The following NEK4 variants were observed in gnomAD, a reference collection of about 807,000 sequenced individuals.
NEK4 encodes the protein NIMA related kinase 4, also known as serine/threonine-protein kinase Nek4.
A neutral mutation model predicts 98.4 loss-of-function variants in NEK4; 86 were observed. The observed-to-expected ratio is 0.87, with a 90% CI of 0.73 to 1.05. The LOEUF is 1.05. Among genes scored for constraint, NEK4 ranks in the 50% least tolerant of loss-of-function variants. The pLI is 0.00. For synonymous variants in NEK4, 328 were observed against 342.2 expected (o/e 0.96, Z 0.46); for missense variants, 898 against 950.3 (o/e 0.94, Z 0.72).
chr3:52,754,706 T>A (rs1180405629), intron 6 of NEK4: 4 of 540,776 alleles, frequency 7.4e-6, no homozygotes, highest in Middle Eastern at 6.1e-4. Context: ...AGATGGTGAA[T>A]CTGGTACACC....
At chr3:52,742,684 G>A (rs941325609) in intron 12 of NEK4, among the ~76,000 whole-genome samples, 1 of 152,200 alleles carries the variant, frequency 6.6e-6, no homozygotes, top group African/African-American at 2.4e-5. Flanking sequence ...ATTAGCAAGT[G>A]AGACTCAAAT....
At chr3:52,762,577 A>G (rs1426740666) in intron 5 of NEK4, among the ~76,000 whole-genome samples, 1 of 152,220 alleles carries the variant, frequency 6.6e-6, no homozygotes, top group Admixed American at 6.5e-5. Flanking sequence ...CCACGCCAAA[A>G]TATGCTACTT....
At chr3:52,758,821 G>A (rs1018797913) in intron 6 of NEK4, among the ~76,000 whole-genome samples, 2 of 152,094 alleles carry the variant, frequency 1.3e-5, no homozygotes, top group Non-Finnish European at 2.9e-5. Flanking sequence ...CTGGGCAGGG[G>A]CTGGGTGATG....
chr3:52,766,331 T>C lies in NEK4; in HGVS notation c.405A>G (p.Gln135=). The change falls in exon 3 of 16, where the codon CAA becomes CAG. Residue 135 remains glutamine (Q), a synonymous_variant. Transcript: ENST00000233027. ...KHILHRDLKT[Q]NVFLTRTNII... Reference sequence around the variant, plus strand: ...TGTTTGTTCTTGTTAGGAAGACATTTTGAGTTTTCAGATCTCGATGAAGGA... The same window carrying C: ...TGTTTGTTCTTGTTAGGAAGACATTCTGAGTTTTCAGATCTCGATGAAGGA... 6.2e-7 allele frequency: 1 copy of C among 1,614,118 alleles called. No individual in the cohort carries two copies. The highest frequency in any genetic ancestry group is 1.1e-5 in the South Asian group (1 of 91,082).
chr3:52,734,429 G>C (rs1006986823), intron 15 of NEK4, among the ~76,000 whole-genome samples: 18 of 146,440 alleles, frequency 1.2e-4, no homozygotes, highest in African/African-American at 4.0e-4. Flanking sequence ...CAGCCTGCTA[G>C]GTAACAGAGT....
intron 15 of NEK4, among the ~76,000 whole-genome samples, chr3:52,722,320 TG>T (rs2097360841): frequency 6.6e-6 from 1 of 151,980 alleles, no homozygotes; most frequent in South Asian, 2.1e-4. Context: ...CTGCTGAACG[TG>T]GGTACAAGCT....
chr3:52,715,053 G>A (rs2097353912), intron 15 of NEK4, among the ~76,000 whole-genome samples: 1 of 152,228 alleles, frequency 6.6e-6, no homozygotes, highest in Admixed American at 6.5e-5. Flanking sequence ...CAGGCTACTG[G>A]GCAGAAGGGG....
intron 6 of NEK4, chr3:52,754,071 G>A: frequency 4.0e-6 from 1 of 247,672 alleles, no homozygotes; most frequent in Non-Finnish European, 7.9e-6. Context: ...GCTGAGGCAG[G>A]AGATCACTTG....
chr3:52,763,458 G>C lies in NEK4; in HGVS notation c.821+12C>G. 2 of 1,607,960 alleles carry C rather than the reference G, an allele frequency of 1.2e-6. No individual in the cohort carries two copies. Among genetic ancestry groups the C allele is most frequent in the Non-Finnish European group, 1.7e-6 (2 of 1,176,654 alleles). Reference sequence around the variant, plus strand: ...CTATTTAGCCCAGCTATTTGCAAGGGAAGTATCTTACATCTTTGTGGCCTC... The same window carrying C: ...CTATTTAGCCCAGCTATTTGCAAGGCAAGTATCTTACATCTTTGTGGCCTC... On this transcript the variant is annotated intron_variant, in intron 5 of 15. Transcript: ENST00000233027.
In NEK4 at chr3:52,752,130, A is replaced by G. The variant is rs778755573; in HGVS notation, c.1170T>C (p.Tyr390=). The change falls in exon 7 of 16, where the codon TAT becomes TAC. Residue 390 remains tyrosine (Y), a synonymous_variant. Coordinates refer to ENST00000233027, the MANE Select transcript of NEK4 (RefSeq NM_003157.6). ...CTCCTAACTCATTAGAGGCATCCAA[A>G]TATCTTGGCTGATTCTCCTGAACAA... ...DGFVQENQPR[Y]LDASNELGGI... 17 of 1,614,088 alleles carry G rather than the reference A, an allele frequency of 1.1e-5. No homozygotes were observed. In the East Asian group the frequency reaches 3.6e-4, roughly 34 times the overall value.
rs2097382054 is a variant in NEK4, at chr3:52,739,470, G to C, written c.2258C>G (p.Ala753Gly). Reference sequence around the variant, plus strand: ...AAAATGGATTTCCTCTGCCTCTTCTGCAACCTTCCCATGAAGTATCAGTGT... The same window carrying C: ...AAAATGGATTTCCTCTGCCTCTTCTCCAACCTTCCCATGAAGTATCAGTGT... ...RDTLILHGKV[A>G]EEAEEIHFKE... is the part of the protein sequence containing the mutation. The change falls in exon 14 of 16, where the codon GCA becomes GGA. Residue 753 changes from alanine (A) to glycine (G), a missense_variant. Coordinates refer to ENST00000233027, the MANE Select transcript of NEK4 (RefSeq NM_003157.6). 1 of 1,614,004 alleles carries C rather than the reference G, an allele frequency of 6.2e-7. No homozygotes were observed. Among genetic ancestry groups the C allele is most frequent in the Non-Finnish European group, 8.5e-7 (1 of 1,179,994 alleles).
intron 9 of NEK4, 91 bp downstream of exon 9, chr3:52,746,643 T>C (rs1365614012): frequency 8.6e-7 from 1 of 1,166,444 alleles, no homozygotes; most frequent in East Asian, 2.4e-5. Flanking sequence ...TCCTTGCATT[T>C]CTTACATGCC....
At chr3:52,759,102 AAAG>A (rs1308245017) in intron 6 of NEK4, among the ~76,000 whole-genome samples, 1 of 138,664 alleles carries the variant, frequency 7.2e-6, no homozygotes, top group Non-Finnish European at 1.6e-5. Context: ...AAAAAAGAAA[AAAG>A]AAAAAAAAAA....
At chr3:52,753,178 C>T (rs1202534388) in intron 6 of NEK4, among the ~76,000 whole-genome samples, 2 of 151,892 alleles carry the variant, frequency 1.3e-5, no homozygotes, top group Non-Finnish European at 2.9e-5. Context: ...GTGGCAAGTG[C>T]CTGTAGTCCC....
chr3:52,743,361 G>C lies in NEK4; in HGVS notation c.1995C>G (p.Ser665Arg). 1 of 1,613,460 alleles carries C rather than the reference G, an allele frequency of 6.2e-7. No homozygotes were observed. Among genetic ancestry groups the C allele is most frequent in the Non-Finnish European group, 8.5e-7 (1 of 1,179,454 alleles). The change falls in exon 12 of 16, where the codon AGC (serine) becomes AGG (arginine). Residue 665 changes from serine to arginine, a missense_variant. Coordinates refer to ENST00000233027, the MANE Select transcript of NEK4 (RefSeq NM_003157.6). Reference protein sequence around the residue: ...LPARRLSSDCSVTQERKQIHC... With the variant: ...LPARRLSSDCRVTQERKQIHC... ...GGAGTACGTAATGCACCTGAGTGAC[G>C]CTGCAGTCAGAGGAGAGCCGTCGGG...
At chr3:52,757,890 G>C (rs1698183647) in intron 6 of NEK4, among the ~76,000 whole-genome samples, 1 of 151,994 alleles carries the variant, frequency 6.6e-6, no homozygotes, top group Admixed American at 6.6e-5. Flanking sequence ...AAAGTAGAAT[G>C]GTGGGCCAGG....
At chr3:52,730,205 G>T (rs2097368279) in intron 15 of NEK4, among the ~76,000 whole-genome samples, 1 of 152,170 alleles carries the variant, frequency 6.6e-6, no homozygotes, top group Non-Finnish European at 1.5e-5. Context: ...CACATTCCTA[G>T]AAACATAAAA....
intron 15 of NEK4, among the ~76,000 whole-genome samples, chr3:52,726,273 T>C (rs2097364454): frequency 1.3e-5 from 2 of 152,074 alleles, no homozygotes; most frequent in African/African-American, 2.4e-5. Context: ...CAATAATGGA[T>C]AGAACAACCT....
intron 6 of NEK4, among the ~76,000 whole-genome samples, chr3:52,752,915 A>AAAAAAAAAAAAAAAAAT (rs2097407878): frequency 1.7e-5 from 1 of 59,484 alleles, no homozygotes; most frequent in Non-Finnish European, 3.4e-5. Context: ...AAAAAAAAAA[A>AAAAAAAAAAAAAAAAAT]AAATATATAT....
Sources: allele counts gnomAD v4.1 joint callset (sites outside exome capture counted in the v4.1 genomes callset), GRCh38; gene constraint gnomAD v4.1.1; transcripts MANE v1.5; gene names NCBI Gene and HGNC (gene_info 2026-07-23, HGNC 2026-07-21).